CATSPERE: variants seen among roughly 807,000 people sequenced by gnomAD.
The protein encoded by CATSPERE is catsper channel auxiliary subunit epsilon, also known as cation channel sperm-associated auxiliary subunit epsilon.
Under a neutral mutation model 114.1 loss-of-function variants are expected in CATSPERE, and 93 were observed. The observed-to-expected ratio is 0.81, with a 90% CI of 0.69 to 0.97. The LOEUF (loss-of-function observed/expected upper bound fraction) is 0.97. CATSPERE is among the 50% of genes least tolerant of loss of function. The pLI, the probability that CATSPERE is intolerant of heterozygous loss-of-function variation, is 0.00. For synonymous variants in CATSPERE, 341 were observed against 384.1 expected (o/e 0.89, Z 1.31); for missense variants, 1,058 against 1,131.6 (o/e 0.93, Z 0.93).
intron 2 of CATSPERE, among the ~76,000 whole-genome samples, chr1:244,467,810 A>G (rs1667839385): frequency 6.6e-6 from 1 of 152,246 alleles, no homozygotes; most frequent in South Asian, 2.1e-4. Context: ...ACACAAAACA[A>G]TATGGATGAA....
At chr1:244,624,130 T>TTTTTTA in intron 20 of CATSPERE, among the ~76,000 whole-genome samples, 1 of 143,810 alleles carries the variant, frequency 7.0e-6, no homozygotes, top group Middle Eastern at 3.5e-3. Flanking sequence ...CCCAGCTAAT[T>TTTTTTA]TTTTTTTTTT....
chr1:244,633,642 A>G lies in CATSPERE; in HGVS notation c.2649-1847A>G, dbSNP rs186136861. Among the ~76,000 whole-genome samples the G allele has an allele frequency of 1.8e-3, 277 of 152,134 alleles. 1 individual carries two copies. The highest frequency in any genetic ancestry group is 6.4e-3 in the African/African-American group (265 of 41,500). On this transcript the variant is annotated intron_variant, in intron 20 of 21. Coordinates refer to ENST00000366534, the MANE Select transcript of CATSPERE (RefSeq NM_001130957.2). The surrounding 1 kb of genome is among the most constrained non-coding windows in gnomAD (Gnocchi z 4.1). ...AGCACACGCATGCACACACACACAC[A>G]CGCACACAAAACCCCCACTACTTTC...
intron 8 of CATSPERE, among the ~76,000 whole-genome samples, chr1:244,531,614 G>A (rs1025902264): frequency 6.6e-6 from 1 of 151,806 alleles, no homozygotes; most frequent in Non-Finnish European, 1.5e-5. Context: ...TCATTCTGTT[G>A]ATATAATGTA....
At chr1:244,626,060 T>C (rs545487178) in intron 20 of CATSPERE, among the ~76,000 whole-genome samples, 3 of 152,270 alleles carry the variant, frequency 2.0e-5, no homozygotes, top group South Asian at 2.1e-4. Context: ...TGAAGGGCCC[T>C]AGAATTTTTG....
chr1:244,530,109 G>A (rs3005937), intron 8 of CATSPERE, among the ~76,000 whole-genome samples: 19,532 of 151,930 alleles, frequency 0.13, 2,174 homozygotes, highest in African/African-American at 0.3. Context: ...CACCACGCCC[G>A]TGTAACTTTT....
intron 19 of CATSPERE, 102 bp from the exon 20 acceptor site, chr1:244,617,427 C>A: frequency 1.2e-6 from 1 of 856,440 alleles, no homozygotes; most frequent in Non-Finnish European, 1.7e-6. Flanking sequence ...AAGGGAATAG[C>A]CATTACATCT....
chr1:244,499,499 C>T (rs192019172), intron 7 of CATSPERE, among the ~76,000 whole-genome samples: 3 of 129,698 alleles, frequency 2.3e-5, no homozygotes, highest in Admixed American at 8.3e-5. Context: ...CCCTTCCCCC[C>T]CACCCCTCGA....
chr1:244,463,776 G>T, intron 1 of CATSPERE, 132 bp from the exon 2 acceptor site: 1 of 743,480 alleles, frequency 1.3e-6, no homozygotes, highest in African/African-American at 1.8e-5. Context: ...GCCCTGAGTT[G>T]CTGTCAAGGA....
rs1185064904 is a variant in CATSPERE at position 244,607,106 on chromosome 1, G to A, written c.2403+1312G>A. On this transcript the variant is annotated intron_variant, in intron 18 of 21. Coordinates refer to ENST00000366534, the MANE Select transcript of CATSPERE (RefSeq NM_001130957.2). This position sits in a 1 kb window ranked among gnomAD's most constrained non-coding sequence, Gnocchi z 4.4. The stretch of plus-strand genomic sequence containing the variant: ...TTTCCATTATGCCTCAAGGTTAAAC[G>A]CTCTAGATCCTTCTTCAATAAAAGT... Among the ~76,000 whole-genome samples the A allele has an allele frequency of 6.6e-6, 1 of 151,726 alleles. No homozygotes were observed. The highest frequency in any genetic ancestry group is 2.1e-4 in the South Asian group (1 of 4,798).
intron 7 of CATSPERE, among the ~76,000 whole-genome samples, chr1:244,502,872 G>A (rs1674278850): frequency 6.6e-6 from 1 of 152,174 alleles, no homozygotes; most frequent in South Asian, 2.1e-4. Context: ...AAATGCCTCA[G>A]AGTTGCCTCA....
intron 20 of CATSPERE, among the ~76,000 whole-genome samples, chr1:244,621,612 A>G (rs1672406636): frequency 1.3e-5 from 2 of 151,910 alleles, no homozygotes; most frequent in Admixed American, 1.3e-4. Flanking sequence ...GTCAACAGAA[A>G]CAACAATCCA....
intron 1 of CATSPERE, 121 bp downstream of exon 1, chr1:244,461,615 C>T (rs1044505963): frequency 2.7e-6 from 2 of 737,700 alleles, no homozygotes; most frequent in Non-Finnish European, 1.9e-6. Flanking sequence ...CGACCACTGC[C>T]TCGTCTCCTG....
intron 20 of CATSPERE, among the ~76,000 whole-genome samples, chr1:244,625,403 T>TA (rs1447448640): frequency 0.059 from 948 of 15,946 alleles, 45 homozygotes; most frequent in Non-Finnish European, 0.088. Flanking sequence ...TTATTATTAT[T>TA]ATTTATATAT....
chr1:244,560,141 C>T (rs962020530), intron 9 of CATSPERE, among the ~76,000 whole-genome samples: 14 of 151,966 alleles, frequency 9.2e-5, no homozygotes, highest in African/African-American at 2.9e-4. Context: ...TACAGACACA[C>T]GCCACCACCC....
chr1:244,529,244 A>T (rs1679209414), intron 8 of CATSPERE, among the ~76,000 whole-genome samples: 1 of 152,136 alleles, frequency 6.6e-6, no homozygotes, highest in Admixed American at 6.6e-5. Flanking sequence ...CTTTTTGAGG[A>T]ACTTCCAAAA....
chr1:244,501,889 C>T (rs1381394935), intron 7 of CATSPERE, among the ~76,000 whole-genome samples: 1 of 152,212 alleles, frequency 6.6e-6, no homozygotes, highest in Non-Finnish European at 1.5e-5. Flanking sequence ...GCTCTCTACA[C>T]ATCTTGCCTC....
intron 12 of CATSPERE, among the ~76,000 whole-genome samples, chr1:244,582,927 AT>A (rs1417680025): frequency 0.14 from 237 of 1,736 alleles, 10 homozygotes; most frequent in African/African-American, 0.28. Context: ...ATATATATAT[AT>A]ATATATATAT....
chr1:244,600,817 CA>C (rs1669107330), intron 17 of CATSPERE, among the ~76,000 whole-genome samples: 1 of 150,982 alleles, frequency 6.6e-6, no homozygotes, highest in South Asian at 2.1e-4. Flanking sequence ...AAGAATCGAT[CA>C]TCAAATCCAG....
At chr1:244,485,798 G>T (rs1397462279) in intron 5 of CATSPERE, among the ~76,000 whole-genome samples, 1 of 150,834 alleles carries the variant, frequency 6.6e-6, no homozygotes, top group Non-Finnish European at 1.5e-5. Context: ...TTGGTGTCAG[G>T]CACTCCTCCC....
Sources: gnomAD v4.1 joint callset for allele counts (sites outside exome capture counted in the v4.1 genomes callset) on GRCh38, gnomAD v4.1.1 for gene constraint, Gnocchi (gnomAD v3.1) non-coding constraint, MANE v1.5 for transcripts, NCBI Gene and HGNC (gene_info 2026-07-23, HGNC 2026-07-21) for gene names.